The following SEPTIN10 variants were observed in gnomAD, a reference collection of about 807,000 sequenced individuals.
The protein encoded by SEPTIN10 is septin-10.
In SEPTIN10, 66 loss-of-function variants were observed where a neutral mutation model predicts 54.8. That is an observed-to-expected ratio of 1.21 (90% CI 0.99 to 1.48). The LOEUF is 1.48. SEPTIN10 is among the 40% of genes most tolerant of loss of function. SEPTIN10 has a pLI of 0.00. For synonymous variants in SEPTIN10, 161 were observed against 181.0 expected, an observed-to-expected ratio of 0.89 and a Z score of 0.89; for missense variants, 620 against 545.6, an observed-to-expected ratio of 1.14 and a Z score of -1.36.
chr2:109,571,553 C>G (rs1688394648), intron 5 of SEPTIN10, among the ~76,000 whole-genome samples: 1 of 152,168 alleles, frequency 6.6e-6, no homozygotes, highest in Non-Finnish European at 1.5e-5. Context: ...CTAAACATAT[C>G]TAAACACAGA....
At chr2:109,594,627 A>T (rs1280061241) in intron 1 of SEPTIN10, 1 of 152,240 alleles carries the variant, frequency 6.6e-6, no homozygotes, top group Non-Finnish European at 1.5e-5. Context: ...AATTACAATG[A>T]ACCATGCTGC....
intron 9 of SEPTIN10, among the ~76,000 whole-genome samples, chr2:109,547,429 A>G (rs1681571713): frequency 6.9e-6 from 1 of 144,532 alleles, no homozygotes; most frequent in African/African-American, 2.6e-5. Flanking sequence ...AAGAACCTAT[A>G]GGGGTTATTC....
At chr2:109,560,103 G>A (rs1348918010) in intron 8 of SEPTIN10, among the ~76,000 whole-genome samples, 1 of 151,888 alleles carries the variant, frequency 6.6e-6, no homozygotes, top group Non-Finnish European at 1.5e-5. Context: ...TGTATTTTTA[G>A]TAGAGATGGG....
intron 1 of SEPTIN10, among the ~76,000 whole-genome samples, chr2:109,600,841 C>A (rs1186096704): frequency 9.2e-5 from 14 of 152,246 alleles, no homozygotes; most frequent in African/African-American, 3.4e-4. Flanking sequence ...TCCCCACAAC[C>A]CCCATCTCGG....
chr2:109,556,377 C>T, intron 8 of SEPTIN10, among the ~76,000 whole-genome samples: 1 of 152,094 alleles, frequency 6.6e-6, no homozygotes, highest in East Asian at 1.9e-4. Flanking sequence ...TCTTATTAAT[C>T]TTAAATTTTA....
intron 8 of SEPTIN10, among the ~76,000 whole-genome samples, chr2:109,555,479 C>T (rs534188932): frequency 6.6e-6 from 1 of 152,268 alleles, no homozygotes; most frequent in East Asian, 1.9e-4. Flanking sequence ...TCCCCTGTTG[C>T]AGGCCAAAAG....
In SEPTIN10 at chr2:109,572,546, T is replaced by C. The variant is rs531445812; in HGVS notation, c.600+2035A>G. Among the ~76,000 whole-genome samples, 7 of 151,252 alleles carry C rather than the reference T, an allele frequency of 4.6e-5. No homozygotes were observed. In the East Asian group the frequency reaches 1.4e-3, roughly 30 times the overall value. ...GCAGTTCAGCATGACAGCCATGTCC[T>C]AACCCCTCTTGACTGCCTGTTTTAT... On this transcript the variant is annotated intron_variant, in intron 5 of 10. Transcript: ENST00000397712.
intron 8 of SEPTIN10, among the ~76,000 whole-genome samples, chr2:109,559,476 TCCCTTTCTAATTTC>T (rs1333239126): frequency 6.6e-6 from 1 of 151,894 alleles, no homozygotes; most frequent in African/African-American, 2.4e-5. Flanking sequence ...CTGAAGAATC[TCCCTTTCTAATTTC>T]CCCTTCTTTG....
At chr2:109,550,552 G>T (rs1027633615) in intron 9 of SEPTIN10, among the ~76,000 whole-genome samples, 2 of 152,000 alleles carry the variant, frequency 1.3e-5, no homozygotes, top group Non-Finnish European at 2.9e-5. Flanking sequence ...GATCTCAAGT[G>T]ATCCACCCAC....
intron 8 of SEPTIN10, chr2:109,564,088 C>T (rs1401150500): frequency 9.0e-6 from 3 of 333,484 alleles, no homozygotes; most frequent in Non-Finnish European, 1.1e-5. Context: ...CCTTCAGTTA[C>T]TCATGTCAGC....
intron 1 of SEPTIN10, among the ~76,000 whole-genome samples, chr2:109,594,468 GT>G (rs200097892): frequency 2.7e-5 from 4 of 150,854 alleles, no homozygotes; most frequent in Non-Finnish European, 4.4e-5. Flanking sequence ...CTGCACTGTG[GT>G]TTTTTTTTGC....
intron 2 of SEPTIN10, among the ~76,000 whole-genome samples, chr2:109,591,440 A>T (rs1694049976): frequency 1.3e-5 from 2 of 152,202 alleles, no homozygotes; most frequent in Admixed American, 6.5e-5. Flanking sequence ...GTCACTAAAG[A>T]TTACTAGTGA....
chr2:109,571,423 T>C (rs1688361030), intron 5 of SEPTIN10, among the ~76,000 whole-genome samples: 1 of 152,222 alleles, frequency 6.6e-6, no homozygotes, highest in Non-Finnish European at 1.5e-5. Context: ...GTATGGCTCA[T>C]TGTTTCTAGA....
chr2:109,567,997 C>T (rs760892869), intron 5 of SEPTIN10, 21 bp from the exon 6 acceptor site: 1 of 1,537,940 alleles, frequency 6.5e-7, no homozygotes, highest in Non-Finnish European at 8.8e-7. Context: ...TAAAGAAAAA[C>T]AAAATCTTAC....
chr2:109,553,629 G>A (rs550966972), intron 8 of SEPTIN10, among the ~76,000 whole-genome samples: 31 of 151,648 alleles, frequency 2.0e-4, no homozygotes, highest in African/African-American at 7.5e-4. Context: ...GAGGTGGGCA[G>A]ATCACCTGAG....
intron 2 of SEPTIN10, among the ~76,000 whole-genome samples, chr2:109,586,415 G>A (rs1382923555): frequency 1.3e-5 from 2 of 150,556 alleles, no homozygotes; most frequent in East Asian, 2.1e-4. Context: ...CTTTTTCCCT[G>A]AAGGCACTCC....
chr2:109,585,872 A>T (rs1265205810), intron 2 of SEPTIN10, 34 bp from the exon 3 acceptor site: 14 of 1,539,116 alleles, frequency 9.1e-6, no homozygotes, highest in Admixed American at 1.7e-5. Context: ...CAACAGCAAT[A>T]AAAAAAACAA....
intron 4 of SEPTIN10, among the ~76,000 whole-genome samples, chr2:109,578,628 G>A (rs963534986): frequency 2.6e-5 from 4 of 152,102 alleles, no homozygotes; most frequent in African/African-American, 9.7e-5. Flanking sequence ...TTAGCTCGGA[G>A]TGCTGGTGGG....
At chr2:109,563,587 C>T (rs950352340) in intron 8 of SEPTIN10, among the ~76,000 whole-genome samples, 1 of 152,208 alleles carries the variant, frequency 6.6e-6, no homozygotes, top group African/African-American at 2.4e-5. Context: ...GTCTGGGATA[C>T]AGCACCATAT....
Sources: allele counts gnomAD v4.1 joint callset (sites outside exome capture counted in the v4.1 genomes callset), GRCh38; gene constraint gnomAD v4.1.1; transcripts MANE v1.5; gene names NCBI Gene and HGNC (gene_info 2026-07-23, HGNC 2026-07-21).